Variants in XPO7 observed in about 807,000 individuals in gnomAD.
XPO7 encodes exportin 7.
In XPO7, 21 loss-of-function variants were observed where a neutral mutation model predicts 144.3. That is an observed-to-expected ratio of 0.15 (90% confidence interval 0.10 to 0.21). The LOEUF (loss-of-function observed/expected upper bound fraction) is 0.21, where lower values mean the gene tolerates loss of function less well. Ranked by LOEUF, XPO7 falls within the 10% of genes least tolerant of loss-of-function variation. The probability of loss-of-function intolerance (pLI) is 1.00; values close to 1 mark genes in which losing one functional copy is unlikely to be tolerated. For synonymous variants in XPO7, 580 were observed against 499.6 expected, an observed-to-expected ratio of 1.16 and a Z score of -2.15; for missense variants, 808 against 1,325.8, an observed-to-expected ratio of 0.61 and a Z score of 6.06.
chr8:21,937,042 G>A (rs146648243), intron 1 of XPO7, among the ~76,000 whole-genome samples: 3 of 152,090 alleles, frequency 2.0e-5, no homozygotes, highest in African/African-American at 7.2e-5. Flanking sequence ...CTCAGACTTT[G>A]ACTAATCTGT....
At chr8:21,979,866 T>C (rs990640424) in intron 8 of XPO7, among the ~76,000 whole-genome samples, 5 of 152,060 alleles carry the variant, frequency 3.3e-5, no homozygotes, top group African/African-American at 7.2e-5. Flanking sequence ...AAAGATGCCA[T>C]TGGAGTGGTC....
At position 21,982,594 on chromosome 8, in the gene XPO7, G is replaced by A. The variant is rs375838172; in HGVS notation, c.1105-46G>A. Reference sequence around the variant, plus strand: ...TGTGTCAGTGGCATGGGACTAACACGTACAGAAATGAAAAATATGCCTTCT... The same window carrying A: ...TGTGTCAGTGGCATGGGACTAACACATACAGAAATGAAAAATATGCCTTCT... On this transcript the variant is annotated intron_variant, in intron 10 of 27. Transcript: ENST00000252512. 4.4e-5 allele frequency: 67 copies of A among 1,530,954 alleles called. 1 individual carries two copies. Among genetic ancestry groups the A allele is most frequent in the Middle Eastern group, 3.7e-4 (2 of 5,358 alleles). The allele number at this position is 1,530,954 out of a possible 1,614,324, so 94.8% of individuals were successfully genotyped here.
At chr8:21,977,174 C>T (rs1190696766) in intron 7 of XPO7, among the ~76,000 whole-genome samples, 2 of 152,132 alleles carry the variant, frequency 1.3e-5, no homozygotes, top group East Asian at 3.8e-4. Flanking sequence ...CCTTTGTATT[C>T]CAGAAGGATA....
At chr8:21,969,300 C>T (rs1482149003) in intron 2 of XPO7, among the ~76,000 whole-genome samples, 183 bp from the exon 3 acceptor site, 1 of 141,774 alleles carries the variant, frequency 7.1e-6, no homozygotes, top group Non-Finnish European at 1.5e-5. Context: ...TTGAAGTCAG[C>T]TAATAAACTT....
At chr8:21,990,745 T>C (rs1812744435) in intron 17 of XPO7, 66 bp from the exon 18 acceptor site, 2 of 1,485,910 alleles carry the variant, frequency 1.3e-6, no homozygotes, top group South Asian at 2.3e-5. Context: ...AATTCTCTGA[T>C]TACTGGCTTG....
intron 1 of XPO7, among the ~76,000 whole-genome samples, chr8:21,935,176 G>C (rs1810781449): frequency 6.6e-6 from 1 of 152,164 alleles, no homozygotes; most frequent in African/African-American, 2.4e-5. Flanking sequence ...GGCCCTAATT[G>C]ATTTTGACTA....
chr8:21,941,328 T>G (rs1294711916), intron 1 of XPO7, among the ~76,000 whole-genome samples: 7 of 152,062 alleles, frequency 4.6e-5, no homozygotes, highest in South Asian at 4.1e-4. Flanking sequence ...AAGAAAATTT[T>G]TTTTTTAGAG....
At chr8:21,995,431 A>G (rs1219998163) in intron 20 of XPO7, 61 bp from the exon 21 acceptor site, 2 of 1,467,560 alleles carry the variant, frequency 1.4e-6, no homozygotes, top group African/African-American at 1.4e-5. Flanking sequence ...GTGCTGAAAA[A>G]CTATTTTAAA....
chr8:21,964,613 CAA>C lies in XPO7; in HGVS notation c.19-2233_19-2232del, dbSNP rs56993629. Among the ~76,000 whole-genome samples, 1,313 of 141,976 alleles carry C rather than the reference CAA, an allele frequency of 9.2e-3. 9 individuals carry two copies. The highest frequency in any genetic ancestry group is 0.037 in the South Asian group (169 of 4,518). The allele number at this position is 141,976 out of a possible 152,430, so 93.1% of individuals were successfully genotyped here. A position where few individuals can be genotyped will look rare whatever the true frequency, so the allele number is the denominator to read the frequency against. Reference sequence around the variant, plus strand: ...TGTTTCCCATTTGTTCTTCTGGGAACAAAAAAAAAAAATGGAGCTGTCGTTCT... The same window carrying C: ...TGTTTCCCATTTGTTCTTCTGGGAACAAAAAAAAAATGGAGCTGTCGTTCT... On this transcript the variant is annotated intron_variant, in intron 1 of 27. Transcript: ENST00000252512.
chr8:21,935,808 C>T (rs1400536948), intron 1 of XPO7, among the ~76,000 whole-genome samples: 2 of 110,730 alleles, frequency 1.8e-5, no homozygotes, highest in Non-Finnish European at 1.9e-5. Flanking sequence ...GCAGAGTCCA[C>T]GTGAGGGGTG....
At chr8:21,946,436 T>G (rs983415184) in intron 1 of XPO7, among the ~76,000 whole-genome samples, 1 of 151,738 alleles carries the variant, frequency 6.6e-6, no homozygotes, top group African/African-American at 2.4e-5. Context: ...AGAAGAGAAC[T>G]AGAAGATCTG....
chr8:21,951,662 T>C (rs117773229), intron 1 of XPO7, among the ~76,000 whole-genome samples: 3,247 of 152,332 alleles, frequency 0.021, 48 homozygotes, highest in Non-Finnish European at 0.03. Flanking sequence ...TTAATGCAGC[T>C]TATCAGCATC....
At chr8:21,945,546 A>C (rs1811165225) in intron 1 of XPO7, among the ~76,000 whole-genome samples, 2 of 152,252 alleles carry the variant, frequency 1.3e-5, no homozygotes, top group Non-Finnish European at 2.9e-5. Flanking sequence ...GGCCTTATGA[A>C]ATTTTTAGCA....
intron 1 of XPO7, among the ~76,000 whole-genome samples, chr8:21,920,536 T>TGCTCGGGAGGGTCTTGATCCG (rs1369603124): frequency 1.3e-5 from 2 of 152,046 alleles, no homozygotes; most frequent in African/African-American, 4.8e-5. Context: ...GTGCAGACGT[T>TGCTCGGGAGGGTCTTGATCCG]GCTCGGGAGG....
At chr8:21,943,938 A>G (rs1362898069) in intron 1 of XPO7, among the ~76,000 whole-genome samples, 1 of 152,266 alleles carries the variant, frequency 6.6e-6, no homozygotes, top group Non-Finnish European at 1.5e-5. Flanking sequence ...AGACAAGCTA[A>G]TAATGTTTGG....
At chr8:21,972,166 T>G (rs1812084060) in intron 5 of XPO7, among the ~76,000 whole-genome samples, 1 of 151,454 alleles carries the variant, frequency 6.6e-6, no homozygotes, top group Non-Finnish European at 1.5e-5. Context: ...TTTCCCCTTT[T>G]CCATCTTAGC....
intron 1 of XPO7, among the ~76,000 whole-genome samples, chr8:21,942,584 C>T (rs1811029223): frequency 6.6e-6 from 1 of 152,174 alleles, no homozygotes; most frequent in South Asian, 2.1e-4. Flanking sequence ...TCCAGCCTCA[C>T]ATAGATAACG....
chr8:21,961,959 T>G (rs952909448), intron 1 of XPO7, among the ~76,000 whole-genome samples: 2 of 152,200 alleles, frequency 1.3e-5, no homozygotes, highest in African/African-American at 4.8e-5. Context: ...CACCACGCCC[T>G]GCCTCATTTT....
chr8:21,980,612 A>C (rs1405632914), intron 9 of XPO7, among the ~76,000 whole-genome samples: 1 of 152,070 alleles, frequency 6.6e-6, no homozygotes, highest in Non-Finnish European at 1.5e-5. Flanking sequence ...TCTCTACTAA[A>C]ACTACAAAAA....
Sources: gnomAD v4.1 joint callset for allele counts (sites outside exome capture counted in the v4.1 genomes callset) on GRCh38, gnomAD v4.1.1 for gene constraint, MANE v1.5 for transcripts, NCBI Gene and HGNC (gene_info 2026-07-23, HGNC 2026-07-21) for gene names.